DCHS2: variants seen among roughly 807,000 people sequenced by gnomAD.
DCHS2 encodes protocadherin-23.
DCHS2 carries 142 observed loss-of-function variants against 182.4 expected under a neutral mutation model. The observed-to-expected ratio is 0.78, with a 90% confidence interval of 0.68 to 0.89. DCHS2 has a LOEUF of 0.89. Among genes scored for constraint, DCHS2 ranks in the 40% least tolerant of loss-of-function variants. DCHS2 has a pLI of 0.00. For missense variants in DCHS2, 4,319 were observed against 4,198.6 expected, an observed-to-expected ratio of 1.03 and a Z score of -0.79; for synonymous variants, 1,740 against 1,663.3, an observed-to-expected ratio of 1.05 and a Z score of -1.12.
intron 1 of DCHS2, among the ~76,000 whole-genome samples, chr4:154,406,990 C>T (rs1732427404): frequency 6.6e-6 from 1 of 152,284 alleles, no homozygotes; most frequent in Admixed American, 6.5e-5. Context: ...AGTGAGATAC[C>T]AAATACTGCA....
intron 12 of DCHS2, among the ~76,000 whole-genome samples, chr4:154,301,703 T>C (rs1735199441): frequency 6.6e-6 from 1 of 152,142 alleles, no homozygotes; most frequent in Non-Finnish European, 1.5e-5. Context: ...TTCTCCATGT[T>C]GGTCAGGCTG....
At chr4:154,256,073 C>T (rs746148347) in intron 15 of DCHS2, among the ~76,000 whole-genome samples, 2 of 151,708 alleles carry the variant, frequency 1.3e-5, no homozygotes. Flanking sequence ...TTTTCATTTG[C>T]TCTGTTTTTC....
At chr4:154,484,804 T>C (rs1296661366) in intron 1 of DCHS2, among the ~76,000 whole-genome samples, 1 of 152,214 alleles carries the variant, frequency 6.6e-6, no homozygotes, top group African/African-American at 2.4e-5. Flanking sequence ...CGATTTATTG[T>C]AAGATTTCAA....
chr4:154,487,489 T>C (rs1252409919), intron 1 of DCHS2, among the ~76,000 whole-genome samples: 1 of 152,178 alleles, frequency 6.6e-6, no homozygotes, highest in Non-Finnish European at 1.5e-5. Context: ...GTCCATTTCA[T>C]CAGCAAGCAT....
At chr4:154,470,025 G>A (rs1227930830) in intron 1 of DCHS2, among the ~76,000 whole-genome samples, 1 of 152,118 alleles carries the variant, frequency 6.6e-6, no homozygotes, top group African/African-American at 2.4e-5. Context: ...TGTATCATCA[G>A]CTTTCTACAA....
At chr4:154,241,525 G>T (rs1731827143) in intron 17 of DCHS2, among the ~76,000 whole-genome samples, 1 of 152,134 alleles carries the variant, frequency 6.6e-6, no homozygotes, top group African/African-American at 2.4e-5. Context: ...AAGGGACTTT[G>T]TTTTTAATCT....
At chr4:154,329,896 T>A (rs917194854) in intron 5 of DCHS2, among the ~76,000 whole-genome samples, 186 bp from the exon 6 acceptor site, 1 of 152,244 alleles carries the variant, frequency 6.6e-6, no homozygotes, top group Non-Finnish European at 1.5e-5. Context: ...CCTGAAAATG[T>A]CACTTTAAAT....
intron 3 of DCHS2, among the ~76,000 whole-genome samples, chr4:154,339,204 A>T (rs1728949277): frequency 6.6e-6 from 1 of 152,202 alleles, no homozygotes; most frequent in South Asian, 2.1e-4. Flanking sequence ...CAAGAGACTG[A>T]TGTCTCAGCT....
rs754259886 is a variant in DCHS2, at chr4:154,333,235, G to T, written c.2973C>A (p.Thr991=). Residue 991 remains threonine, a synonymous_variant, in exon 5 of 20, where the codon ACC becomes ACA. Transcript: ENST00000357232. ...GGTACAAGGCTGTGCCAGGGGGCGT[G>T]GTCTGGGATATTCTAATCTCATCCG... ...RTSDEIRISQ[T]TPPGTALYLA... 9 of 1,614,098 alleles carry T rather than the reference G, an allele frequency of 5.6e-6. No homozygotes were observed. The African/African-American group carries it at 1.2e-4, about 22-fold the overall frequency.
intron 1 of DCHS2, among the ~76,000 whole-genome samples, chr4:154,433,544 G>A (rs766882259): frequency 1.1e-4 from 17 of 151,726 alleles, no homozygotes; most frequent in African/African-American, 3.9e-4. Context: ...ACAGGCGTGC[G>A]CCACCATGCC....
chr4:154,430,579 A>C (rs1733519845), intron 1 of DCHS2, among the ~76,000 whole-genome samples: 1 of 152,218 alleles, frequency 6.6e-6, no homozygotes, highest in African/African-American at 2.4e-5. Context: ...TAGAGCAGAC[A>C]ATGCTGTAGA....
chr4:154,322,702 A>G, intron 7 of DCHS2: 2 of 552,928 alleles, frequency 3.6e-6, no homozygotes, highest in African/African-American at 1.9e-5. Context: ...ACAAAATGGT[A>G]TAATAAACTT....
rs573408484 is a variant in DCHS2 at position 154,366,276 on chromosome 4, C to A, written c.2410G>T (p.Gly804Trp). The A allele has an allele frequency of 6.2e-7, 1 of 1,613,594 alleles. No individual in the cohort carries two copies. The highest frequency in any genetic ancestry group is 2.2e-5 in the East Asian group (1 of 44,850). The change falls in exon 3 of 20, where the codon GGG becomes TGG. Residue 804 changes from glycine to tryptophan, a missense_variant. Physicochemically the swap from Gly to Trp is radical, Grantham distance 184. Coordinates refer to ENST00000357232, the MANE Select transcript of DCHS2 (RefSeq NM_001358235.2). ...GGAATAAGCTCATAAGCCACTGTCC[C>A]ATATATCCCAGAGTCCTGGTCAGTG... Reference protein sequence around the residue: ...LATDQDSGIYGTVAYELIPGN... With the variant: ...LATDQDSGIYWTVAYELIPGN...
intron 1 of DCHS2, among the ~76,000 whole-genome samples, chr4:154,438,605 A>T (rs548655540): frequency 7.9e-4 from 121 of 152,268 alleles, no homozygotes; most frequent in African/African-American, 2.8e-3. Context: ...ACTTATATTG[A>T]ATCATTCAAT....
At chr4:154,469,395 A>C (rs1196527201) in intron 1 of DCHS2, among the ~76,000 whole-genome samples, 1 of 152,194 alleles carries the variant, frequency 6.6e-6, no homozygotes, top group Non-Finnish European at 1.5e-5. Context: ...GGTCATATCA[A>C]ATGGAGAATT....
intron 2 of DCHS2, among the ~76,000 whole-genome samples, chr4:154,367,590 C>T (rs560292506): frequency 6.6e-6 from 1 of 152,276 alleles, no homozygotes; most frequent in South Asian, 2.1e-4. Flanking sequence ...AAGTAAAACA[C>T]ATGTTCCCAC....
At chr4:154,424,729 A>T (rs1477992969) in intron 1 of DCHS2, among the ~76,000 whole-genome samples, 1 of 152,228 alleles carries the variant, frequency 6.6e-6, no homozygotes, top group Non-Finnish European at 1.5e-5. Context: ...TAAGTGTTCA[A>T]GTAAGCCTTT....
At chr4:154,473,104 G>C (rs1735542392) in intron 1 of DCHS2, among the ~76,000 whole-genome samples, 1 of 152,148 alleles carries the variant, frequency 6.6e-6, no homozygotes, top group African/African-American at 2.4e-5. Flanking sequence ...AATGGGGAAA[G>C]CCAATCGGGT....
chr4:154,341,119 A>C (rs910650024), intron 3 of DCHS2, among the ~76,000 whole-genome samples: 1 of 152,204 alleles, frequency 6.6e-6, no homozygotes, highest in Non-Finnish European at 1.5e-5. Flanking sequence ...TTGTAATCCC[A>C]GCACTCTGGG....
Sources: gnomAD v4.1 joint callset for allele counts (sites outside exome capture counted in the v4.1 genomes callset) on GRCh38, gnomAD v4.1.1 for gene constraint, MANE v1.5 for transcripts, NCBI Gene and HGNC (gene_info 2026-07-23, HGNC 2026-07-21) for gene names.